Variants in SUCO observed in about 807,000 individuals in gnomAD.
SUCO encodes the protein SUN domain-containing ossification factor.
SUCO carries 57 observed loss-of-function variants against 148.1 expected under a neutral mutation model. The ratio of observed to expected loss-of-function variants is 0.38; its 90% confidence interval spans 0.31 to 0.48. SUCO has a LOEUF of 0.48. SUCO is among the 20% of genes least tolerant of loss of function. The pLI is 0.96. For missense variants in SUCO, 1,331 were observed against 1,468.2 expected, an observed-to-expected ratio of 0.91 and a Z score of 1.53; for synonymous variants, 470 against 502.7, an observed-to-expected ratio of 0.93 and a Z score of 0.87.
chr1:172,565,065 ATCTGT>A (rs60994408), intron 6 of SUCO, among the ~76,000 whole-genome samples: 5,261 of 152,026 alleles, frequency 0.035, 266 homozygotes, highest in African/African-American at 0.12. Context: ...TTCTGTTCTG[ATCTGT>A]TCTGTTCTGT....
At chr1:172,540,267 G>A (rs1032341467) in intron 1 of SUCO, among the ~76,000 whole-genome samples, 28 of 152,256 alleles carry the variant, frequency 1.8e-4, no homozygotes, top group African/African-American at 6.7e-4. Flanking sequence ...AGATGGTCTT[G>A]GGCAAGTTTC....
Position 172,555,996 on chromosome 1 carries a change from C to T in SUCO, c.416C>T (p.Ser139Leu), listed in dbSNP as rs767251398. The T allele has an allele frequency of 6.2e-7, 1 of 1,612,888 alleles. No homozygotes were observed. Residue 139 changes from serine to leucine, a missense_variant, in exon 4 of 24, where the codon TCA (serine) becomes TTA (leucine). Ser to Leu is a moderately radical substitution (Grantham distance 145). Transcript: ENST00000263688. Reference protein sequence around the residue: ...TVENISSSSTSEITPISKLDE... With the variant: ...TVENISSSSTLEITPISKLDE... ...GAAAATATTTCCAGCTCATCTACCT[C>T]AGAAATCACTCCAATCTCAAAGCTT...
At chr1:172,604,577 C>A (rs1374728528) in intron 22 of SUCO, among the ~76,000 whole-genome samples, 1 of 151,832 alleles carries the variant, frequency 6.6e-6, no homozygotes, top group Non-Finnish European at 1.5e-5. Context: ...GTGCACAGTT[C>A]ATTAGTAGTA....
At chr1:172,579,124 G>A in intron 14 of SUCO, 78 bp from the exon 15 acceptor site, 1 of 766,392 alleles carries the variant, frequency 1.3e-6, no homozygotes, top group South Asian at 1.6e-5. Flanking sequence ...ACTTTGACAG[G>A]ACATAATTTG....
intron 22 of SUCO, 67 bp downstream of exon 22, chr1:172,602,854 G>A: frequency 6.6e-6 from 9 of 1,362,952 alleles, no homozygotes; most frequent in Non-Finnish European, 9.3e-6. Context: ...TAAATATAAT[G>A]TCAGTGTTGT....
At chr1:172,571,618 G>C (rs1157952826) in intron 9 of SUCO, among the ~76,000 whole-genome samples, 1 of 138,332 alleles carries the variant, frequency 7.2e-6, no homozygotes, top group Non-Finnish European at 1.6e-5. Flanking sequence ...AGTGAGGAGC[G>C]CCTCTTCCCT....
Position 172,590,256 on chromosome 1 carries a change from A to G in SUCO, c.2825+330A>G, listed in dbSNP as rs1017281659. 12 of 864,842 alleles carry G rather than the reference A, an allele frequency of 1.4e-5. No individual in the cohort carries two copies. In the African/African-American group the frequency reaches 2.0e-4, roughly 14 times the overall value. 53.6% of individuals were successfully genotyped at this position (864,842 alleles called of 1,614,324 possible). ...TGCTTGATTCCCAGAGGGCTCATGG[A>G]AAAAAATGATAGTATATAGACCTTA... On this transcript the variant is annotated intron_variant, in intron 18 of 23. Coordinates refer to ENST00000263688, the MANE Select transcript of SUCO (RefSeq NM_014283.5).
At chr1:172,595,432 C>T (rs1478496566) in intron 19 of SUCO, among the ~76,000 whole-genome samples, 2 of 152,150 alleles carry the variant, frequency 1.3e-5, no homozygotes, top group African/African-American at 4.8e-5. Context: ...CGTTCCTTTC[C>T]ACTTTTCGTG....
At chr1:172,532,692 A>G, upstream of SUCO, 1 of 1,614,070 alleles carries the variant, frequency 6.2e-7, no homozygotes, top group South Asian at 1.1e-5. Flanking sequence ...CTTCTCTAAC[A>G]AAACCATGGA....
At chr1:172,553,200 C>A in intron 2 of SUCO, 60 bp from the exon 3 acceptor site, 1 of 1,458,226 alleles carries the variant, frequency 6.9e-7, no homozygotes, top group South Asian at 1.5e-5. Context: ...CTTCGTATTG[C>A]TTTATAACTG....
At chr1:172,569,507 A>G in intron 7 of SUCO, 1 of 982,766 alleles carries the variant, frequency 1.0e-6, no homozygotes. Context: ...AACTTACCAA[A>G]AGGTGTTTTA....
At chr1:172,547,009 A>G (rs1387467236) in intron 1 of SUCO, among the ~76,000 whole-genome samples, 1 of 152,198 alleles carries the variant, frequency 6.6e-6, no homozygotes, top group Non-Finnish European at 1.5e-5. Context: ...CCCTCAAGAT[A>G]TAGAATATTC....
At chr1:172,598,599 C>T (rs1350281986) in intron 19 of SUCO, among the ~76,000 whole-genome samples, 3 of 152,162 alleles carry the variant, frequency 2.0e-5, no homozygotes, top group South Asian at 2.1e-4. Flanking sequence ...AGTTTGAATA[C>T]GAAAGCCCCT....
chr1:172,557,185 T>C, intron 4 of SUCO, 95 bp from the exon 5 acceptor site: 1 of 1,446,382 alleles, frequency 6.9e-7, no homozygotes, highest in Non-Finnish European at 9.2e-7. Context: ...TTCTTTGGTT[T>C]ACATTATGTT....
rs192210636 is a variant in SUCO at position 172,599,477 on chromosome 1, G to A, written c.2914-587G>A. ...TGATTATAAAAGTTTCTAAAATTCA[G>A]TGCTGCCTAAAACAGATGGAAAGAT... On this transcript the variant is annotated intron_variant, in intron 19 of 23. Transcript: ENST00000263688. 4.2e-5 allele frequency: 31 copies of A among 738,756 alleles called. No homozygotes were observed. The Admixed American group carries it at 1.4e-3, about 34-fold the overall frequency. The allele number at this position is 738,756 out of a possible 1,614,324, so 45.8% of individuals were successfully genotyped here. A position where few individuals can be genotyped will look rare whatever the true frequency, so the allele number is the denominator to read the frequency against.
At chr1:172,546,456 A>C (rs1433509256) in intron 1 of SUCO, among the ~76,000 whole-genome samples, 1 of 152,236 alleles carries the variant, frequency 6.6e-6, no homozygotes, top group East Asian at 1.9e-4. Flanking sequence ...ACAAAGGAGA[A>C]GTTCTGATTA....
intron 6 of SUCO, among the ~76,000 whole-genome samples, chr1:172,562,325 A>C (rs958224764): frequency 6.8e-6 from 1 of 147,302 alleles, no homozygotes; most frequent in East Asian, 2.0e-4. Flanking sequence ...TTGGGTTTTA[A>C]CATTTTTTTT....
rs1409844376 is a variant in SUCO at position 172,577,793 on chromosome 1, G to A, written c.1314G>A (p.Glu438=). The A allele has an allele frequency of 1.2e-6, 2 of 1,611,526 alleles. No homozygotes were observed. The highest frequency in any genetic ancestry group is 1.7e-6 in the Non-Finnish European group (2 of 1,178,448). ...AGTTGCTATCACATTTTGGATCAGA[G>A]CACTTTTGTCCATTAAGCCTTATAA... ...KVELLSHFGS[E]HFCPLSLIRV... is the part of the protein sequence containing the mutation. Residue 438 remains glutamate, a synonymous_variant, in exon 13 of 24, where the codon GAG becomes GAA. Transcript: ENST00000263688.
intron 15 of SUCO, among the ~76,000 whole-genome samples, chr1:172,583,848 C>G (rs536615317): frequency 6.6e-6 from 1 of 152,100 alleles, no homozygotes; most frequent in East Asian, 1.9e-4. Context: ...TCTTCTATTC[C>G]CAGTACCATT....
Sources: allele counts gnomAD v4.1 joint callset (sites outside exome capture counted in the v4.1 genomes callset), GRCh38; gene constraint gnomAD v4.1.1; transcripts MANE v1.5; gene names NCBI Gene and HGNC (gene_info 2026-07-23, HGNC 2026-07-21).